The following PRKCE variants were observed in gnomAD, a reference collection of about 807,000 sequenced individuals.
PRKCE encodes the protein protein kinase C epsilon.
PRKCE carries 16 observed loss-of-function variants against 85.4 expected under a neutral mutation model. The ratio of observed to expected loss-of-function variants is 0.19; its 90% CI spans 0.13 to 0.28. PRKCE has a LOEUF of 0.28. PRKCE is among the 10% of genes least tolerant of loss of function. The pLI is 1.00. For missense variants in PRKCE, 573 were observed against 975.2 expected, an observed-to-expected ratio of 0.59 and a Z score of 5.49; for synonymous variants, 388 against 371.5, an observed-to-expected ratio of 1.04 and a Z score of -0.51.
upstream of PRKCE, chr2:45,651,486 T>C (rs896768686): frequency 1.3e-5 from 2 of 151,948 alleles, no homozygotes; most frequent in Admixed American, 6.6e-5. Flanking sequence ...TTTTAAAAAT[T>C]TGGCTCCGAG....
At chr2:46,030,422 G>A (rs1707434306) in intron 10 of PRKCE, among the ~76,000 whole-genome samples, 1 of 152,148 alleles carries the variant, frequency 6.6e-6, no homozygotes, top group Non-Finnish European at 1.5e-5. Flanking sequence ...CAAGTAGTGG[G>A]GCGGTCCCAA....
chr2:45,832,733 A>T (rs1476711459), intron 1 of PRKCE, among the ~76,000 whole-genome samples: 1 of 152,154 alleles, frequency 6.6e-6, no homozygotes, highest in Non-Finnish European at 1.5e-5. Flanking sequence ...CAAGGTACCT[A>T]TTGGAAGCAT....
chr2:45,975,122 G>C (rs1296857602), intron 2 of PRKCE, among the ~76,000 whole-genome samples: 1 of 152,150 alleles, frequency 6.6e-6, no homozygotes, highest in Non-Finnish European at 1.5e-5. Context: ...ACAGGAGTAG[G>C]TTACTTAAAC....
At position 45,774,988 on chromosome 2, in the gene PRKCE, C is replaced by G. The variant is rs935594123; in HGVS notation, c.349-68012C>G. On this transcript the variant is annotated intron_variant, in intron 1 of 14. Transcript: ENST00000306156. This position sits in a 1 kb window ranked among gnomAD's most constrained non-coding sequence, Gnocchi z 4.3. ...AATGACAATAGCAGCGTAGACACTT[C>G]TCAGTTATTTACAAGTGGATTCCTC... Among the ~76,000 whole-genome samples, 2 of 152,100 alleles carry G rather than the reference C, an allele frequency of 1.3e-5. No individual in the cohort carries two copies. Among genetic ancestry groups the G allele is most frequent in the Non-Finnish European group, 2.9e-5 (2 of 68,022 alleles).
intron 11 of PRKCE, among the ~76,000 whole-genome samples, chr2:46,092,417 C>T (rs755071604): frequency 1.2e-4 from 19 of 152,084 alleles, no homozygotes; most frequent in Non-Finnish European, 1.2e-4. Context: ...GTCGTGTGCC[C>T]GGTGCCAGAA....
At chr2:45,790,880 G>A (rs892132560) in intron 1 of PRKCE, among the ~76,000 whole-genome samples, 2 of 152,198 alleles carry the variant, frequency 1.3e-5, no homozygotes, top group African/African-American at 4.8e-5. Flanking sequence ...GGTGCTGGTG[G>A]TGGTAAGCGG....
At chr2:46,130,859 T>C (rs753499654) in intron 11 of PRKCE, among the ~76,000 whole-genome samples, 12 of 152,362 alleles carry the variant, frequency 7.9e-5, no homozygotes, top group Non-Finnish European at 1.3e-4. Context: ...AAATGCCAAA[T>C]GTGGGTCTGC....
chr2:46,048,758 A>G (rs182510341), intron 10 of PRKCE, among the ~76,000 whole-genome samples: 25 of 152,310 alleles, frequency 1.6e-4, no homozygotes, highest in East Asian at 1.2e-3. Flanking sequence ...ATTGGCCTTT[A>G]AATGCAAAAG....
At chr2:46,037,969 G>A (rs1384194093) in intron 10 of PRKCE, among the ~76,000 whole-genome samples, 3 of 152,168 alleles carry the variant, frequency 2.0e-5, no homozygotes, top group Non-Finnish European at 4.4e-5. Context: ...AGGATAAGAT[G>A]ATGATGACCA....
chr2:45,706,685 T>C (rs912477351), intron 1 of PRKCE, among the ~76,000 whole-genome samples: 3 of 152,214 alleles, frequency 2.0e-5, no homozygotes, highest in African/African-American at 4.8e-5. Context: ...GGCCGCCTGA[T>C]AGTTTGGCCC....
At chr2:46,154,308 T>C (rs1306017342) in intron 13 of PRKCE, among the ~76,000 whole-genome samples, 1 of 152,120 alleles carries the variant, frequency 6.6e-6, no homozygotes, top group African/African-American at 2.4e-5. Flanking sequence ...CTAGTCTTAT[T>C]TAGGGATACT....
Position 46,139,106 on chromosome 2 carries a change from G to A in PRKCE, c.1593-5987G>A, listed in dbSNP as rs1675265615. ...AGGCTGAGGGGGAAATGCTAGGAGT[G>A]GCCCTCCTAAAATCAGGGACCACCA... On this transcript the variant is annotated intron_variant, in intron 11 of 14. Transcript: ENST00000306156. The surrounding 1 kb of genome is among the most constrained non-coding windows in gnomAD (Gnocchi z 5.2). Among the ~76,000 whole-genome samples, 1 of 152,072 alleles carries A rather than the reference G, an allele frequency of 6.6e-6. No individual in the cohort carries two copies. Among genetic ancestry groups the A allele is most frequent in the Admixed American group, 6.5e-5 (1 of 15,268 alleles).
intron 1 of PRKCE, among the ~76,000 whole-genome samples, chr2:45,694,381 G>A (rs1022835509): frequency 1.3e-5 from 2 of 152,098 alleles, no homozygotes; most frequent in Admixed American, 1.3e-4. Flanking sequence ...GGGCAGAAAA[G>A]TGAGGATGGG....
At chr2:46,073,017 G>A (rs1668208625) in intron 10 of PRKCE, among the ~76,000 whole-genome samples, 1 of 152,136 alleles carries the variant, frequency 6.6e-6, no homozygotes, top group Non-Finnish European at 1.5e-5. Flanking sequence ...ACATTCCCAG[G>A]GCCCACCCCA....
At chr2:46,125,055 G>A (rs1673714433) in intron 11 of PRKCE, among the ~76,000 whole-genome samples, 1 of 152,282 alleles carries the variant, frequency 6.6e-6, no homozygotes, top group Non-Finnish European at 1.5e-5. Context: ...CTTTCTCCCT[G>A]TAGCCATTTC....
At chr2:45,702,822 C>T (rs1678761699) in intron 1 of PRKCE, among the ~76,000 whole-genome samples, 1 of 152,082 alleles carries the variant, frequency 6.6e-6, no homozygotes, top group Non-Finnish European at 1.5e-5. Context: ...TCAGACATAC[C>T]CTACAAGGAG....
chr2:45,942,051 T>C (rs561013582), intron 2 of PRKCE, among the ~76,000 whole-genome samples: 6 of 152,356 alleles, frequency 3.9e-5, no homozygotes, highest in African/African-American at 1.4e-4. Context: ...ATTGCTGTTA[T>C]GAATTTGTTA....
At chr2:45,719,164 C>A (rs1048105192) in intron 1 of PRKCE, among the ~76,000 whole-genome samples, 2 of 152,240 alleles carry the variant, frequency 1.3e-5, no homozygotes, top group African/African-American at 4.8e-5. Context: ...GCACTGTCAT[C>A]CTGTGCTTGG....
chr2:45,692,806 G>T (rs1203130895), intron 1 of PRKCE, among the ~76,000 whole-genome samples: 2 of 152,026 alleles, frequency 1.3e-5, no homozygotes, highest in African/African-American at 4.8e-5. Context: ...TGTAGAATCG[G>T]TCCATTCTAA....
Sources: gnomAD v4.1 joint callset for allele counts (sites outside exome capture counted in the v4.1 genomes callset) on GRCh38, gnomAD v4.1.1 for gene constraint, Gnocchi (gnomAD v3.1) non-coding constraint, MANE v1.5 for transcripts, NCBI Gene and HGNC (gene_info 2026-07-23, HGNC 2026-07-21) for gene names.